Variants in SDK1 observed in about 807,000 individuals in gnomAD.
The protein encoded by SDK1 is sidekick cell adhesion molecule 1.
SDK1 carries 157 observed loss-of-function variants against 245.5 expected under a neutral mutation model. That is an observed-to-expected ratio of 0.64 (90% CI 0.56 to 0.73). The LOEUF is 0.73. SDK1 is among the 30% of genes least tolerant of loss of function. The pLI is 0.00. For missense variants in SDK1, 3,583 were observed against 3,002.3 expected, an observed-to-expected ratio of 1.19 and a Z score of -4.52; for synonymous variants, 1,647 against 1,278.5, an observed-to-expected ratio of 1.29 and a Z score of -6.15.
intron 36 of SDK1, among the ~76,000 whole-genome samples, chr7:4,207,258 G>A (rs1003183872): frequency 6.6e-6 from 1 of 152,198 alleles, no homozygotes; most frequent in Non-Finnish European, 1.5e-5. Context: ...TTTCACATGG[G>A]CAAGCCGCTC....
rs1290910409 is a variant in SDK1 at position 3,723,895 on chromosome 7, TGTATATACACGTAC to T, written c.713+81791_713+81804del. ...ATACACGTACATATATATATACACG[TGTATATACACGTAC>T]ATATATATATACACGTATATATATA... On this transcript the variant is annotated intron_variant, in intron 4 of 44. Coordinates refer to ENST00000404826, the MANE Select transcript of SDK1 (RefSeq NM_152744.4). 4.6e-3 allele frequency among the ~76,000 whole-genome samples: 592 copies of T among 129,908 alleles called. 5 individuals carry two copies. The highest frequency in any genetic ancestry group is 0.017 in the Middle Eastern group (4 of 238). 85.2% of individuals were successfully genotyped at this position (129,908 alleles called of 152,430 possible).
intron 1 of SDK1, among the ~76,000 whole-genome samples, chr7:3,502,476 C>G (rs898945197): frequency 6.6e-6 from 1 of 152,116 alleles, no homozygotes; most frequent in African/African-American, 2.4e-5. Context: ...TCTTGAACTC[C>G]TGACCTCAGG....
rs558915446 is a variant in SDK1, at chr7:3,669,919, A to G, written c.713+27814A>G. Among the ~76,000 whole-genome samples the G allele has an allele frequency of 3.0e-3, 459 of 152,304 alleles. 4 individuals are homozygous for G. Among genetic ancestry groups the G allele is most frequent in the South Asian group, 0.018 (86 of 4,826 alleles). On this transcript the variant is annotated intron_variant, in intron 4 of 44. Transcript: ENST00000404826. ...ACTCCTGGCTCTCCTTTCTTAACAT[A>G]AATGACACTGCCATCCAACAGTTGC...
intron 1 of SDK1, among the ~76,000 whole-genome samples, chr7:3,395,939 C>T (rs1472303957): frequency 6.6e-6 from 1 of 151,520 alleles, no homozygotes; most frequent in Non-Finnish European, 1.5e-5. Context: ...TGTTGTTTTT[C>T]TGTTTTACAT....
At chr7:3,918,516 C>T (rs528359544) in intron 5 of SDK1, among the ~76,000 whole-genome samples, 3 of 152,278 alleles carry the variant, frequency 2.0e-5, no homozygotes, top group African/African-American at 7.2e-5. Context: ...ACCGTAATTG[C>T]AGGAAAACAA....
intron 38 of SDK1, among the ~76,000 whole-genome samples, chr7:4,212,002 G>A (rs111493115): frequency 0.035 from 5,304 of 152,266 alleles, 137 homozygotes; most frequent in South Asian, 0.068. Flanking sequence ...TGGGAGGCAC[G>A]TCTTTCCCAC....
chr7:3,436,488 A>G (rs948667429), intron 1 of SDK1, among the ~76,000 whole-genome samples: 2 of 152,104 alleles, frequency 1.3e-5, no homozygotes, highest in African/African-American at 4.8e-5. Flanking sequence ...ATGTTTGCAA[A>G]CCTGAATAAA....
In SDK1 at chr7:4,011,099, C is replaced by T. The variant is rs61752593; in HGVS notation, c.2265C>T (p.Ser755=). The T allele has an allele frequency of 0.15, 248,200 of 1,613,448 alleles. 19,956 individuals are homozygous for T. Among genetic ancestry groups the T allele is most frequent in the Non-Finnish European group, 0.16 (194,390 of 1,179,808 alleles). The change falls in exon 15 of 45, where the codon AGC becomes AGT. Residue 755 remains serine, a synonymous_variant. Transcript: ENST00000404826. ...AVNEVGRGQY[S]AETSRLMLPE... is the part of the protein sequence containing the mutation. ...ATGAAGTGGGCAGGGGCCAGTACAG[C>T]GCCGAGACAAGCAGGTGCGTGAATC...
chr7:3,827,050 C>G (rs1310936914), intron 5 of SDK1, among the ~76,000 whole-genome samples: 2 of 152,120 alleles, frequency 1.3e-5, no homozygotes, highest in African/African-American at 4.8e-5. Flanking sequence ...CCAAGGTGTC[C>G]CCTTTTCCCC....
intron 1 of SDK1, among the ~76,000 whole-genome samples, chr7:3,436,143 C>G (rs1261164604): frequency 6.6e-6 from 1 of 152,112 alleles, no homozygotes; most frequent in Non-Finnish European, 1.5e-5. Context: ...ACACTGAAGA[C>G]ATTTTTAAGA....
chr7:3,506,309 C>T (rs995756663), intron 1 of SDK1, among the ~76,000 whole-genome samples: 5 of 152,104 alleles, frequency 3.3e-5, no homozygotes, highest in Middle Eastern at 3.2e-3. Context: ...CTTCTATTGT[C>T]TTCTGGCTTA....
chr7:4,237,952 T>C (rs1488530016), intron 42 of SDK1, among the ~76,000 whole-genome samples, 168 bp downstream of exon 42: 1 of 152,172 alleles, frequency 6.6e-6, no homozygotes, highest in African/African-American at 2.4e-5. Flanking sequence ...CCAGGCACAG[T>C]GCAGCAAACG....
intron 1 of SDK1, among the ~76,000 whole-genome samples, chr7:3,613,419 A>T (rs1356643139): frequency 6.6e-6 from 1 of 152,156 alleles, no homozygotes; most frequent in African/African-American, 2.4e-5. Flanking sequence ...TAAAATTATG[A>T]TGTTGTGTAA....
At chr7:3,318,287 G>A (rs1367463717) in intron 1 of SDK1, among the ~76,000 whole-genome samples, 2 of 152,164 alleles carry the variant, frequency 1.3e-5, no homozygotes, top group Middle Eastern at 3.2e-3. Context: ...ATAGTGTCAT[G>A]AGTCGTAGAG....
At chr7:3,691,275 A>G (rs1784431114) in intron 4 of SDK1, among the ~76,000 whole-genome samples, 1 of 152,366 alleles carries the variant, frequency 6.6e-6, no homozygotes, top group South Asian at 2.1e-4. Context: ...AGAGTAAAAA[A>G]TGCCATAGAA....
intron 22 of SDK1, among the ~76,000 whole-genome samples, chr7:4,094,541 A>G (rs541675377): frequency 2.4e-4 from 37 of 152,338 alleles, no homozygotes; most frequent in African/African-American, 8.9e-4. Flanking sequence ...ACCTGCCTTC[A>G]GTGAGTAGGA....
chr7:3,462,177 C>G (rs975970661), intron 1 of SDK1, among the ~76,000 whole-genome samples: 3 of 152,184 alleles, frequency 2.0e-5, no homozygotes, highest in African/African-American at 7.2e-5. Context: ...TGAAACCAGG[C>G]CTAAAGGATG....
At chr7:4,151,985 C>T (rs1780413735) in intron 30 of SDK1, among the ~76,000 whole-genome samples, 1 of 152,178 alleles carries the variant, frequency 6.6e-6, no homozygotes, top group South Asian at 2.1e-4. Flanking sequence ...TGCATCTGAA[C>T]ACCAAACTTT....
At chr7:4,030,691 A>G (rs76335430) in intron 17 of SDK1, among the ~76,000 whole-genome samples, 5,912 of 152,312 alleles carry the variant, frequency 0.039, 197 homozygotes, top group African/African-American at 0.083. Flanking sequence ...TAACAAAACC[A>G]TGATGCTGAA....
Sources: allele counts gnomAD v4.1 joint callset (sites outside exome capture counted in the v4.1 genomes callset), GRCh38; gene constraint gnomAD v4.1.1; transcripts MANE v1.5; gene names NCBI Gene and HGNC (gene_info 2026-07-23, HGNC 2026-07-21).